The following POLR3A variants were observed in gnomAD, a reference collection of about 807,000 sequenced individuals.
POLR3A encodes the protein RNA polymerase III subunit A.
In POLR3A, 112 loss-of-function variants were observed where a neutral mutation model predicts 152.8. The ratio of observed to expected loss-of-function variants is 0.73; its 90% confidence interval spans 0.63 to 0.86. POLR3A has a LOEUF of 0.86. POLR3A is among the 40% of genes least tolerant of loss of function. The probability of loss-of-function intolerance (pLI) is 0.00; values close to 1 mark genes in which losing one functional copy is unlikely to be tolerated. For missense variants in POLR3A, 1,385 were observed against 1,743.1 expected, an observed-to-expected ratio of 0.79 and a Z score of 3.66; for synonymous variants, 615 against 652.1, an observed-to-expected ratio of 0.94 and a Z score of 0.87.
intron 26 of POLR3A, 133 bp downstream of exon 26, chr10:77,983,787 C>T: frequency 1.4e-6 from 1 of 709,066 alleles, no homozygotes; most frequent in East Asian, 2.7e-5. Context: ...ACAACAGAAT[C>T]ACAAAAACCA....
intron 4 of POLR3A, 41 bp from the exon 5 acceptor site, chr10:78,024,744 G>C: frequency 6.4e-7 from 1 of 1,563,772 alleles, no homozygotes; most frequent in South Asian, 1.1e-5. Context: ...AAAAAATTAT[G>C]TTCTCAGATT....
Position 77,986,115 on chromosome 10 carries a change from T to C in POLR3A, c.2946A>G (p.Lys982=). Residue 982 remains lysine (K), a synonymous_variant, in exon 22 of 31, where the codon AAA becomes AAG. Transcript: ENST00000372371. ...FIKGVSEKIK[K]TRDKYGINDN... ...CATTGATGCCATATTTATCTCTGGT[T>C]TTCTTGATCTTCTCAGAGACCCCCT... 1 of 1,599,040 alleles carries C rather than the reference T, an allele frequency of 6.3e-7. No individual in the cohort carries two copies. Among genetic ancestry groups the C allele is most frequent in the South Asian group, 1.1e-5 (1 of 90,792 alleles).
intron 16 of POLR3A, among the ~76,000 whole-genome samples, chr10:78,004,389 A>G (rs999935029): frequency 2.0e-5 from 3 of 152,196 alleles, no homozygotes; most frequent in Non-Finnish European, 2.9e-5. Context: ...TGAGTGTGCC[A>G]CCAGAACAAG....
Position 78,024,688 on chromosome 10 carries a change from C to T in POLR3A, c.506G>A (p.Cys169Tyr), listed in dbSNP as rs2131960727. ...CTCATGAATTATTTTCAGCAGTCCA[C>T]ACTTCTTTACGGTACCTATAAGGGT... ...CGAFNGTVKK[C>Y]GLLKIIHEKY... The change falls in exon 5 of 31, where the codon TGT becomes TAT. Residue 169 changes from cysteine (C) to tyrosine (Y), a missense_variant. Cys to Tyr is a radical substitution (Grantham distance 194). This residue lies in a region of POLR3A where 493 missense variants were observed against 647.5 expected (regional missense o/e 0.76). Transcript: ENST00000372371. 1 of 1,613,528 alleles carries T rather than the reference C, an allele frequency of 6.2e-7. No homozygotes were observed. Among genetic ancestry groups the T allele is most frequent in the African/African-American group, 1.3e-5 (1 of 74,994 alleles).
At chr10:78,024,315 G>T (rs551640905) in intron 5 of POLR3A, among the ~76,000 whole-genome samples, 1 of 145,118 alleles carries the variant, frequency 6.9e-6, no homozygotes, top group South Asian at 2.2e-4. Context: ...AGTGAACCAA[G>T]ATTTGCACCA....
chr10:77,998,263 AC>A (rs144303341), intron 19 of POLR3A, among the ~76,000 whole-genome samples: 12,847 of 152,110 alleles, frequency 0.084, 1,728 homozygotes, highest in African/African-American at 0.29. Context: ...CATGTCTAAA[AC>A]ACCAAAAGCA....
At chr10:78,027,462 A>AAGG (rs1305462804) in intron 1 of POLR3A, among the ~76,000 whole-genome samples, 1 of 152,190 alleles carries the variant, frequency 6.6e-6, no homozygotes, top group Non-Finnish European at 1.5e-5. Flanking sequence ...GATTGAGACC[A>AAGG]TCCTGGCTAA....
intron 21 of POLR3A, among the ~76,000 whole-genome samples, chr10:77,990,452 C>T (rs541104984): frequency 3.3e-5 from 5 of 152,220 alleles, no homozygotes; most frequent in South Asian, 2.1e-4. Flanking sequence ...TTAGGGACAG[C>T]GCTCAAACAA....
intron 8 of POLR3A, among the ~76,000 whole-genome samples, chr10:78,021,308 C>T (rs1272648047): frequency 6.6e-6 from 1 of 151,950 alleles, no homozygotes; most frequent in Non-Finnish European, 1.5e-5. Context: ...AAAAGTATAG[C>T]ATATATATGA....
intron 5 of POLR3A, among the ~76,000 whole-genome samples, 176 bp downstream of exon 5, chr10:78,024,370 CAAA>C (rs59548771): frequency 1.5e-3 from 101 of 67,592 alleles, no homozygotes; most frequent in African/African-American, 3.8e-3. Context: ...TCTTCCATCT[CAAA>C]AAAAAAAAAA....
chr10:78,013,634 G>A lies in POLR3A; in HGVS notation c.1572+16C>T, dbSNP rs1405194214. 2 of 1,613,754 alleles carry A rather than the reference G, an allele frequency of 1.2e-6. No homozygotes were observed. Among genetic ancestry groups the A allele is most frequent in the Non-Finnish European group, 8.5e-7 (1 of 1,179,754 alleles). On this transcript the variant is annotated intron_variant, in intron 11 of 30. Coordinates refer to ENST00000372371, the MANE Select transcript of POLR3A (RefSeq NM_007055.4). ...GGAGCTGTTATGCAAAAGCTGGGCT[G>A]TGCCACCCTACATACCCCCATCAGA...
intron 26 of POLR3A, among the ~76,000 whole-genome samples, chr10:77,983,290 T>G (rs1305082107): frequency 2.6e-5 from 4 of 152,256 alleles, no homozygotes; most frequent in African/African-American, 9.6e-5. Context: ...AGCAGGTTGC[T>G]GCATTTGAGT....
chr10:77,990,988 C>G, intron 21 of POLR3A, 66 bp downstream of exon 21: 2 of 898,944 alleles, frequency 2.2e-6, no homozygotes, highest in Admixed American at 3.7e-5. Context: ...CTTGCCAGCC[C>G]TTGGCAAACA....
At chr10:77,996,167 TAGAGGGAAATTTATAG>T in intron 19 of POLR3A, among the ~76,000 whole-genome samples, 1 of 151,808 alleles carries the variant, frequency 6.6e-6, no homozygotes. Context: ...AAGCAGTGTG[TAGAGGGAAATTTATAG>T]CACTAAATGC....
At position 78,029,427 on chromosome 10, in the gene POLR3A, C is replaced by T; in HGVS notation, c.-20G>A. ...CACCATGATGACCGCTGCCGGGACG[C>T]CTCCTTGGCACTCGGGAGGCCAGAT... On this transcript the variant is annotated 5_prime_UTR_variant, in exon 1 of 31. Transcript: ENST00000372371. The T allele has an allele frequency of 4.3e-6, 7 of 1,613,926 alleles. No homozygotes were observed. Among genetic ancestry groups the T allele is most frequent in the Non-Finnish European group, 5.9e-6 (7 of 1,179,956 alleles).
At chr10:78,025,167 T>C (rs773749513) in intron 3 of POLR3A, 25 bp from the exon 4 acceptor site, 1 of 1,612,828 alleles carries the variant, frequency 6.2e-7, no homozygotes, top group Non-Finnish European at 8.5e-7. Context: ...GCAAGACAGA[T>C]AAAAGCATAA....
In POLR3A at chr10:78,000,981, A is replaced by G. The variant is rs1436628983; in HGVS notation, c.2473T>C (p.Ser825Pro). Residue 825 changes from serine (S) to proline (P), a missense_variant, in exon 18 of 31, where the codon TCA (serine) becomes CCA (proline). By Grantham distance (74) the Ser-to-Pro change is moderately conservative (BLOSUM62 -1). Transcript: ENST00000372371. Reference sequence around the variant, plus strand: ...CCTGATCTGCTACTGCTTACCTTTGAGTGTTTTTCAAAATGAGGCAAGGAC... The same window carrying G: ...CCTGATCTGCTACTGCTTACCTTTGGGTGTTTTTCAAAATGAGGCAAGGAC... ...NRSLPHFEKH[S>P]KLPAAKGFVA... 4 of 1,534,852 alleles carry G rather than the reference A, an allele frequency of 2.6e-6. No homozygotes were observed.
At chr10:77,981,930 T>C (rs1228644138) in intron 28 of POLR3A, among the ~76,000 whole-genome samples, 4 of 137,844 alleles carry the variant, frequency 2.9e-5, no homozygotes, top group African/African-American at 1.1e-4. Context: ...TCCCAGCTAC[T>C]CGGGAGGCTG....
rs778110816 is a variant in POLR3A at position 78,017,665 on chromosome 10, A to T, written c.1341T>A (p.Gly447=). The change falls in exon 10 of 31, where the codon GGT becomes GGA. Residue 447 remains glycine, a synonymous_variant. Transcript: ENST00000372371. ...CGATGAGGTGTCTCTCTACGATGTC[A>T]CCATACTTGAGCTCTTGAGCCATCT... ...REKMAQELKY[G]DIVERHLIDG... The T allele has an allele frequency of 5.6e-6, 9 of 1,614,086 alleles. No homozygotes were observed. The highest frequency in any genetic ancestry group is 7.6e-6 in the Non-Finnish European group (9 of 1,179,964).
Sources: allele counts gnomAD v4.1 joint callset (sites outside exome capture counted in the v4.1 genomes callset), GRCh38; gene constraint gnomAD v4.1.1; regional missense constraint gnomAD v4.1.1; transcripts MANE v1.5; gene names NCBI Gene and HGNC (gene_info 2026-07-23, HGNC 2026-07-21).